Variants in OLA1 observed in about 807,000 individuals in gnomAD.
OLA1 encodes the protein Obg like ATPase 1, also known as obg-like ATPase 1.
A neutral mutation model predicts 48.4 loss-of-function variants in OLA1; 14 were observed. That is an observed-to-expected ratio of 0.29 (90% CI 0.19 to 0.45). The LOEUF (loss-of-function observed/expected upper bound fraction) is 0.45, where lower values mean the gene tolerates loss of function less well. Among genes scored for constraint, OLA1 ranks in the 20% least tolerant of loss-of-function variants. The pLI, the probability that OLA1 is intolerant of heterozygous loss-of-function variation, is 1.00. For synonymous variants in OLA1, 127 were observed against 150.4 expected, an observed-to-expected ratio of 0.84 and a Z score of 1.14; for missense variants, 325 against 467.1, an observed-to-expected ratio of 0.70 and a Z score of 2.80.
At chr2:174,235,846 A>G (rs1688836511) in intron 2 of OLA1, among the ~76,000 whole-genome samples, 2 of 152,184 alleles carry the variant, frequency 1.3e-5, no homozygotes. Context: ...ACCCAAACAG[A>G]GTAGGATGAA....
At chr2:174,212,260 G>A (rs1688261619) in intron 4 of OLA1, among the ~76,000 whole-genome samples, 1 of 152,178 alleles carries the variant, frequency 6.6e-6, no homozygotes, top group South Asian at 2.1e-4. Flanking sequence ...GAAAGCACTT[G>A]TAACACAATG....
intron 1 of OLA1, among the ~76,000 whole-genome samples, chr2:174,247,499 T>C (rs1468918580): frequency 1.3e-5 from 2 of 152,252 alleles, no homozygotes; most frequent in African/African-American, 2.4e-5. Context: ...TATATGGTTA[T>C]ATGAAAGAAA....
At chr2:174,130,884 A>G (rs1053703511) in intron 5 of OLA1, among the ~76,000 whole-genome samples, 3 of 152,244 alleles carry the variant, frequency 2.0e-5, no homozygotes, top group East Asian at 1.9e-4. Flanking sequence ...GCTTTAACAA[A>G]GACAGCCAAC....
chr2:174,092,807 C>T (rs1042840100), intron 7 of OLA1, among the ~76,000 whole-genome samples: 3 of 152,042 alleles, frequency 2.0e-5, no homozygotes, highest in African/African-American at 4.8e-5. Flanking sequence ...AAGTGAAAAT[C>T]ACAACAGGAC....
At chr2:174,166,971 TG>T (rs1427121013) in intron 4 of OLA1, among the ~76,000 whole-genome samples, 1 of 152,200 alleles carries the variant, frequency 6.6e-6, no homozygotes, top group Non-Finnish European at 1.5e-5. Context: ...TGTCTACTTT[TG>T]TAATAGTGTC....
At chr2:174,196,330 TTC>T (rs925887743) in intron 4 of OLA1, among the ~76,000 whole-genome samples, 2 of 152,136 alleles carry the variant, frequency 1.3e-5, no homozygotes, top group Non-Finnish European at 2.9e-5. Context: ...TTGAAGGATT[TTC>T]ACACACATGG....
At chr2:174,172,887 T>C (rs1262958417) in intron 4 of OLA1, among the ~76,000 whole-genome samples, 1 of 152,180 alleles carries the variant, frequency 6.6e-6, no homozygotes, top group African/African-American at 2.4e-5. Flanking sequence ...TAAGGAGTTC[T>C]TGCTCTGAGT....
intron 4 of OLA1, among the ~76,000 whole-genome samples, chr2:174,203,084 T>A (rs1228197604): frequency 1.3e-5 from 2 of 152,176 alleles, no homozygotes; most frequent in East Asian, 3.9e-4. Context: ...AATAAAATAT[T>A]ATCGAACATG....
intron 4 of OLA1, among the ~76,000 whole-genome samples, chr2:174,161,681 T>A (rs200713689): frequency 2.8e-5 from 4 of 141,170 alleles, no homozygotes; most frequent in African/African-American, 5.3e-5. Flanking sequence ...AAAAAAAAAA[T>A]ACACACACAC....
At chr2:174,140,002 C>T (rs1686406843) in intron 5 of OLA1, among the ~76,000 whole-genome samples, 1 of 151,760 alleles carries the variant, frequency 6.6e-6, no homozygotes, top group Non-Finnish European at 1.5e-5. Context: ...GTATATTTAA[C>T]CTAAGTCTTT....
intron 7 of OLA1, among the ~76,000 whole-genome samples, chr2:174,110,913 A>G (rs907727268): frequency 1.3e-5 from 2 of 152,172 alleles, no homozygotes; most frequent in Non-Finnish European, 2.9e-5. Flanking sequence ...GCAGGACTCA[A>G]GTTAGTTAAG....
intron 7 of OLA1, among the ~76,000 whole-genome samples, chr2:174,119,890 G>T (rs1048865732): frequency 6.6e-6 from 1 of 151,430 alleles, no homozygotes; most frequent in Non-Finnish European, 1.5e-5. Context: ...TACCCAAAAG[G>T]TAATGTTAAA....
chr2:174,127,995 G>A (rs1686082481), intron 5 of OLA1, among the ~76,000 whole-genome samples: 1 of 151,412 alleles, frequency 6.6e-6, no homozygotes, highest in Non-Finnish European at 1.5e-5. Context: ...AAATGTTTAG[G>A]GAGAAAAATA....
intron 2 of OLA1, among the ~76,000 whole-genome samples, chr2:174,232,780 C>T (rs890619038): frequency 1.3e-5 from 2 of 152,086 alleles, no homozygotes; most frequent in East Asian, 1.9e-4. Context: ...GTGGTATAGA[C>T]GCTACGGAAA....
At chr2:174,204,684 A>C (rs1023776952) in intron 4 of OLA1, among the ~76,000 whole-genome samples, 11 of 152,180 alleles carry the variant, frequency 7.2e-5, no homozygotes, top group Non-Finnish European at 1.5e-4. Flanking sequence ...CACTAAAGCT[A>C]TTATTAATAA....
chr2:174,231,600 T>C (rs1688730731), intron 2 of OLA1, among the ~76,000 whole-genome samples: 1 of 152,148 alleles, frequency 6.6e-6, no homozygotes, highest in Non-Finnish European at 1.5e-5. Flanking sequence ...TATTATATGG[T>C]AAAACATAGC....
At chr2:174,135,178 A>AAG (rs1358670051) in intron 5 of OLA1, among the ~76,000 whole-genome samples, 6 of 151,720 alleles carry the variant, frequency 4.0e-5, no homozygotes, top group Non-Finnish European at 7.4e-5. Flanking sequence ...AAAAAAAAAA[A>AAG]AGAAATGGGA....
chr2:174,101,337 T>C (rs1486558941), intron 7 of OLA1, among the ~76,000 whole-genome samples: 2 of 152,264 alleles, frequency 1.3e-5, no homozygotes, highest in Non-Finnish European at 2.9e-5. Context: ...CAAGTCTTGC[T>C]GATTTTAAAA....
At chr2:174,193,648 C>A (rs1687823009) in intron 4 of OLA1, among the ~76,000 whole-genome samples, 1 of 152,138 alleles carries the variant, frequency 6.6e-6, no homozygotes, top group South Asian at 2.1e-4. Flanking sequence ...GAGTATACTA[C>A]AGGCTTTAAA....
Sources: allele counts gnomAD v4.1 joint callset (sites outside exome capture counted in the v4.1 genomes callset), GRCh38; gene constraint gnomAD v4.1.1; transcripts MANE v1.5; gene names NCBI Gene and HGNC (gene_info 2026-07-23, HGNC 2026-07-21).